Variants in MACF1 observed in about 807,000 individuals in gnomAD.
MACF1 encodes microtubule-actin cross-linking factor 1.
MACF1 carries 193 observed loss-of-function variants against 854.8 expected under a neutral mutation model. The observed-to-expected ratio is 0.23, with a 90% confidence interval of 0.20 to 0.25. MACF1 has a LOEUF of 0.25. Among genes scored for constraint, MACF1 ranks in the 10% least tolerant of loss-of-function variants. The pLI is 1.00. For missense variants in MACF1, 7,722 were observed against 8,929.1 expected (o/e 0.86, Z 5.45); for synonymous variants, 3,185 against 3,226.7 (o/e 0.99, Z 0.44).
Position 39,251,953 on chromosome 1 carries a change from T to G in MACF1, c.357+12T>G. ...ATGATGATGATGTAGTAGGTCCTCC[T>G]GGGGATGCCAGCATCCCAGCTGGCA... is the stretch of plus-strand genomic sequence containing the variant. On this transcript the variant is annotated intron_variant, in intron 4 of 100. Coordinates refer to ENST00000564288, the MANE Select transcript of MACF1 (RefSeq NM_001394062.1). 1 of 1,484,182 alleles carries G rather than the reference T, an allele frequency of 6.7e-7. No individual in the cohort carries two copies. The highest frequency in any genetic ancestry group is 8.9e-7 in the Non-Finnish European group (1 of 1,120,512). The allele number at this position is 1,484,182 out of a possible 1,614,324, so 91.9% of individuals were successfully genotyped here. A position where few individuals can be genotyped will look rare whatever the true frequency, so the allele number is the denominator to read the frequency against.
At position 39,451,204 on chromosome 1, in the gene MACF1, C is replaced by T. The variant is rs1433630414; in HGVS notation, c.20411C>T (p.Ala6804Val). The change falls in exon 85 of 101, where the codon GCA becomes GTA. Residue 6804 changes from alanine to valine, a missense_variant. Physicochemically the swap from Ala to Val is moderately conservative, Grantham distance 64 (BLOSUM62 0). Coordinates refer to ENST00000564288, the MANE Select transcript of MACF1 (RefSeq NM_001394062.1). ...GACCTCGTCATGAACCTCATGGATG[C>T]ACACAAGGTAGGGGTGAGGTCTGGG... is the stretch of plus-strand genomic sequence containing the variant. Reference protein sequence around the residue: ...DLDLVMNLMDAHKVFQKELGK... With the variant: ...DLDLVMNLMDVHKVFQKELGK... 2 of 1,613,606 alleles carry T rather than the reference C, an allele frequency of 1.2e-6. No individual in the cohort carries two copies. Among genetic ancestry groups the T allele is most frequent in the Non-Finnish European group, 8.5e-7 (1 of 1,179,704 alleles).
At chr1:39,177,927 G>C (rs1467702828) in intron 2 of MACF1, among the ~76,000 whole-genome samples, 1 of 152,050 alleles carries the variant, frequency 6.6e-6, no homozygotes, top group Admixed American at 6.6e-5. Context: ...CATTGAATAA[G>C]TAAAATGGCA....
intron 33 of MACF1, among the ~76,000 whole-genome samples, chr1:39,323,452 A>C (rs535742469): frequency 4.0e-5 from 6 of 150,694 alleles, no homozygotes; most frequent in Non-Finnish European, 8.9e-5. Context: ...ACATATAATT[A>C]AATTATTATA....
At chr1:39,185,039 C>G (rs1644148644) in intron 2 of MACF1, among the ~76,000 whole-genome samples, 1 of 152,172 alleles carries the variant, frequency 6.6e-6, no homozygotes, top group Non-Finnish European at 1.5e-5. Flanking sequence ...CGCCTGTAAT[C>G]CCAGCACTTT....
At chr1:39,106,791 C>T (rs1049142483) in intron 2 of MACF1, among the ~76,000 whole-genome samples, 5 of 139,306 alleles carry the variant, frequency 3.6e-5, no homozygotes, top group Admixed American at 1.4e-4. Context: ...AACGCCCCCC[C>T]TCTCCCCCCT....
intron 2 of MACF1, among the ~76,000 whole-genome samples, chr1:39,137,078 A>T (rs79992965): frequency 0.04 from 6,109 of 152,110 alleles, 378 homozygotes; most frequent in African/African-American, 0.13. Context: ...AATTTAATTT[A>T]ATTTTATTTT....
At chr1:39,245,556 G>A (rs1644973237) in intron 2 of MACF1, among the ~76,000 whole-genome samples, 1 of 152,132 alleles carries the variant, frequency 6.6e-6, no homozygotes, top group African/African-American at 2.4e-5. Context: ...TGGTATTACA[G>A]GTGTGAGCCA....
At chr1:39,412,307 A>G (rs1320252071) in intron 58 of MACF1, 1 of 1,613,926 alleles carries the variant, frequency 6.2e-7, no homozygotes, top group Non-Finnish European at 8.5e-7. Flanking sequence ...CTAACAGATG[A>G]AATTCATTTG....
At position 39,441,993 on chromosome 1, in the gene MACF1, C is replaced by T; in HGVS notation, c.18714C>T (p.Cys6238=). The T allele has an allele frequency of 6.2e-7, 1 of 1,614,122 alleles. No homozygotes were observed. The highest frequency in any genetic ancestry group is 8.5e-7 in the Non-Finnish European group (1 of 1,179,996). The change falls in exon 75 of 101, where the codon TGC becomes TGT. Residue 6238 remains cysteine (C), a synonymous_variant. Coordinates refer to ENST00000564288, the MANE Select transcript of MACF1 (RefSeq NM_001394062.1). ...DWLDNTVIKL[C]TMPPVGTDLN... is the part of the protein sequence containing the mutation. ...TAGATAACACTGTGATTAAACTCTG[C>T]ACCATGCCCCCTGTTGGCACTGACC...
At chr1:39,413,894 C>T in intron 58 of MACF1, 2 of 1,608,728 alleles carry the variant, frequency 1.2e-6, no homozygotes, top group South Asian at 1.1e-5. Flanking sequence ...GCTATGGTGG[C>T]CACCCTAGAG....
chr1:39,407,378 C>G (rs1642753754), intron 58 of MACF1, among the ~76,000 whole-genome samples: 1 of 152,172 alleles, frequency 6.6e-6, no homozygotes, highest in African/African-American at 2.4e-5. Flanking sequence ...CTTCATAGGA[C>G]AGGGTTTCTA....
chr1:39,432,943 A>G (rs1225810123), intron 67 of MACF1, 105 bp from the exon 68 acceptor site: 5 of 725,270 alleles, frequency 6.9e-6, no homozygotes, highest in South Asian at 4.3e-5. Flanking sequence ...GTCAAACTGT[A>G]TAAGAACAAT....
At position 39,379,501 on chromosome 1, in the gene MACF1, G is replaced by A. The variant is rs889869520; in HGVS notation, c.13518+57G>A. On this transcript the variant is annotated intron_variant, in intron 54 of 100. Transcript: ENST00000564288. ...CCAAGAGGAAGAGACAGCTGTACCA[G>A]TGTTCCTGCCCAAGCCCAGGTATCT... The A allele has an allele frequency of 4.5e-6, 7 of 1,551,342 alleles. No individual in the cohort carries two copies. The African/African-American group carries it at 9.6e-5, about 21-fold the overall frequency.
chr1:39,305,387 C>T (rs1646149997), intron 23 of MACF1, among the ~76,000 whole-genome samples: 2 of 152,010 alleles, frequency 1.3e-5, no homozygotes, highest in South Asian at 4.1e-4. Flanking sequence ...CCCAAAGTTC[C>T]ACATTCCAGA....
In MACF1 at chr1:39,387,146, G is replaced by C. The variant is rs1024926176; in HGVS notation, c.14345-41G>C. On this transcript the variant is annotated intron_variant, in intron 57 of 100. Transcript: ENST00000564288. ...CTCAGCAAACATTTTAAATGCCAGGGTTCAGGCTTTATTGATTTCAATTTT... is the reference window on the plus strand; with the variant it reads ...CTCAGCAAACATTTTAAATGCCAGGCTTCAGGCTTTATTGATTTCAATTTT... 23 of 1,594,750 alleles carry C rather than the reference G, an allele frequency of 1.4e-5. No homozygotes were observed. In the Admixed American group the frequency reaches 2.3e-4, roughly 16 times the overall value.
At chr1:39,436,918 C>A (rs918310125) in intron 70 of MACF1, among the ~76,000 whole-genome samples, 1 of 152,128 alleles carries the variant, frequency 6.6e-6, no homozygotes, top group East Asian at 1.9e-4. Flanking sequence ...CCTTAATTAC[C>A]TTTCATTATT....
chr1:39,282,115 C>T (rs1222973512), intron 6 of MACF1, 93 bp from the exon 7 acceptor site: 25 of 1,336,438 alleles, frequency 1.9e-5, no homozygotes, highest in African/African-American at 2.9e-5. Context: ...CTTGGACCTT[C>T]GTTTTACTAA....
chr1:39,485,594 C>T lies in MACF1; in HGVS notation c.22468C>T (p.Arg7490Ter), dbSNP rs1645091381. The T allele has an allele frequency of 6.2e-7, 1 of 1,614,084 alleles. No individual in the cohort carries two copies. Among genetic ancestry groups the T allele is most frequent in the Non-Finnish European group, 8.5e-7 (1 of 1,179,990 alleles). The stretch of plus-strand genomic sequence containing the variant: ...TCGGGCTGGGAGTCGAGCCGGGAGT[C>T]GAGCCAGCAGCCGGCGAGGAAGTGA... ...GSRAGSRAGS[R>*]ASSRRGSDAS... Residue 7490 changes from arginine to a stop codon, truncating the protein, a stop_gained, in exon 101 of 101, where the codon CGA (arginine) becomes TGA (stop). Transcript: ENST00000564288. LOFTEE classifies it high-confidence loss of function.
At chr1:39,226,630 C>T (rs113647665) in intron 1 of MACF1, among the ~76,000 whole-genome samples, 2 of 151,994 alleles carry the variant, frequency 1.3e-5, no homozygotes, top group Non-Finnish European at 2.9e-5. Context: ...TGAGCCACCG[C>T]GCCTGGCCTA....
Sources: gnomAD v4.1 joint callset for allele counts (sites outside exome capture counted in the v4.1 genomes callset) on GRCh38, gnomAD v4.1.1 for gene constraint, MANE v1.5 for transcripts, NCBI Gene and HGNC (gene_info 2026-07-23, HGNC 2026-07-21) for gene names.